Variants in RAD51B observed in about 807,000 individuals in gnomAD.
RAD51B encodes the protein RAD51 paralog B.
Under a neutral mutation model 42.2 loss-of-function variants are expected in RAD51B, and 38 were observed. The observed-to-expected ratio is 0.90, with a 90% CI of 0.70 to 1.18. The LOEUF (loss-of-function observed/expected upper bound fraction) is 1.18. Among genes scored for constraint, RAD51B ranks in the 50% most tolerant of loss-of-function variants. The pLI is 0.00. For missense variants in RAD51B, 373 were observed against 400.7 expected (o/e 0.93, Z 0.59); for synonymous variants, 154 against 145.2 (o/e 1.06, Z -0.43).
At chr14:68,420,003 T>C (rs188105548) in intron 9 of RAD51B, among the ~76,000 whole-genome samples, 22 of 152,340 alleles carry the variant, frequency 1.4e-4, no homozygotes, top group Admixed American at 1.2e-3. Context: ...CCTATGAGTT[T>C]GCAGGGATCA....
intron 4 of RAD51B, among the ~76,000 whole-genome samples, chr14:67,841,008 C>T (rs1024479315): frequency 1.3e-5 from 2 of 152,110 alleles, no homozygotes; most frequent in African/African-American, 4.8e-5. Flanking sequence ...CCATGTTGGC[C>T]AGGCTGGTCT....
intron 7 of RAD51B, among the ~76,000 whole-genome samples, chr14:68,085,921 T>C (rs751858773): frequency 6.6e-6 from 1 of 152,164 alleles, no homozygotes; most frequent in Non-Finnish European, 1.5e-5. Context: ...TGGCAGCGTC[T>C]AGGGGTGAAT....
At chr14:68,234,553 C>T (rs1170130673) in intron 7 of RAD51B, among the ~76,000 whole-genome samples, 1 of 152,116 alleles carries the variant, frequency 6.6e-6, no homozygotes, top group African/African-American at 2.4e-5. Flanking sequence ...GGCAGCAAAC[C>T]TGTAGAGCAT....
At chr14:68,457,723 C>G (rs142375677) in intron 9 of RAD51B, among the ~76,000 whole-genome samples, 1 of 151,466 alleles carries the variant, frequency 6.6e-6, no homozygotes, top group African/African-American at 2.4e-5. Flanking sequence ...CTCAGCCTCC[C>G]GAGTAGCTGG....
At chr14:68,403,852 T>C (rs2084187689) in intron 8 of RAD51B, among the ~76,000 whole-genome samples, 2 of 152,218 alleles carry the variant, frequency 1.3e-5, no homozygotes, top group African/African-American at 4.8e-5. Context: ...TCATCTTCAG[T>C]GTTTGATCAT....
At chr14:68,082,708 AT>A (rs926687124) in intron 7 of RAD51B, among the ~76,000 whole-genome samples, 27 of 151,392 alleles carry the variant, frequency 1.8e-4, no homozygotes, top group African/African-American at 3.9e-4. Context: ...CTGTATTATA[AT>A]TTTTTTTTAA....
chr14:68,229,115 G>A (rs2080097453), intron 7 of RAD51B, among the ~76,000 whole-genome samples: 1 of 152,214 alleles, frequency 6.6e-6, no homozygotes. Flanking sequence ...GCACCTTTGA[G>A]ACCTAGCTTC....
intron 3 of RAD51B, among the ~76,000 whole-genome samples, chr14:67,830,497 G>A (rs1377551459): frequency 6.6e-6 from 1 of 151,890 alleles, no homozygotes; most frequent in Non-Finnish European, 1.5e-5. Flanking sequence ...TGCCTTCTGG[G>A]TTCCAGCAAT....
chr14:68,124,467 A>G (rs908893849), intron 7 of RAD51B, among the ~76,000 whole-genome samples: 3 of 152,204 alleles, frequency 2.0e-5, no homozygotes, highest in Admixed American at 2.0e-4. Flanking sequence ...ATTTCATGTG[A>G]TGGCTCTATT....
chr14:68,640,645 A>G (rs945045209), intron 10 of RAD51B, among the ~76,000 whole-genome samples: 18 of 152,222 alleles, frequency 1.2e-4, no homozygotes, highest in Admixed American at 9.8e-4. Flanking sequence ...TTTTTAGAAG[A>G]GGGAGACTCA....
chr14:67,917,213 C>T lies in RAD51B; in HGVS notation c.756+30009C>T, dbSNP rs544394589. ...GTTCTTGCGTTGCTATAAAGGAATACGTGAGACTGGGTAATTTATAAAGAA... is the reference window on the plus strand; with the variant it reads ...GTTCTTGCGTTGCTATAAAGGAATATGTGAGACTGGGTAATTTATAAAGAA... On this transcript the variant is annotated intron_variant, in intron 7 of 10. Transcript: ENST00000471583. Among the ~76,000 whole-genome samples the T allele has an allele frequency of 7.5e-4, 114 of 152,270 alleles. 1 individual carries two copies. Among genetic ancestry groups the T allele is most frequent in the African/African-American group, 2.5e-3 (103 of 41,548 alleles).
chr14:68,399,145 A>G (rs2084011496), intron 8 of RAD51B, among the ~76,000 whole-genome samples: 1 of 152,166 alleles, frequency 6.6e-6, no homozygotes, highest in African/African-American at 2.4e-5. Flanking sequence ...GGAAAGGCCA[A>G]CCTACATTTT....
At chr14:67,841,668 A>G (rs548290393) in intron 4 of RAD51B, among the ~76,000 whole-genome samples, 6 of 143,020 alleles carry the variant, frequency 4.2e-5, no homozygotes, top group Admixed American at 3.4e-4. Flanking sequence ...CATTTATTGA[A>G]TAGGAAGTCC....
At chr14:68,156,517 A>G (rs1056925000) in intron 7 of RAD51B, among the ~76,000 whole-genome samples, 1 of 139,056 alleles carries the variant, frequency 7.2e-6, no homozygotes, top group Non-Finnish European at 1.5e-5. Context: ...AACTGACAGT[A>G]GCATATCTTG....
intron 7 of RAD51B, among the ~76,000 whole-genome samples, chr14:67,902,918 C>G: frequency 6.6e-6 from 1 of 151,122 alleles, no homozygotes; most frequent in East Asian, 1.9e-4. Context: ...GGTGTGATCT[C>G]GGCTCACTGT....
chr14:68,594,705 A>G lies in RAD51B; in HGVS notation c.*102A>G, dbSNP rs1353767259. 23 of 1,270,572 alleles carry G rather than the reference A, an allele frequency of 1.8e-5. No homozygotes were observed. In the Admixed American group the frequency reaches 7.2e-4, roughly 40 times the overall value. The allele number at this position is 1,270,572 out of a possible 1,614,324, so 78.7% of individuals were successfully genotyped here. A position where few individuals can be genotyped will look rare whatever the true frequency, so the allele number is the denominator to read the frequency against. On this transcript the variant is annotated 3_prime_UTR_variant, in exon 11 of 11. Transcript: ENST00000487270. ...CAGCCTCCCAAAGCGCTAGGATTAC[A>G]AGTATGAGACTTTGCCATTCCAATG...
At chr14:68,023,243 A>G (rs1181652600) in intron 7 of RAD51B, among the ~76,000 whole-genome samples, 1 of 152,220 alleles carries the variant, frequency 6.6e-6, no homozygotes, top group Non-Finnish European at 1.5e-5. Flanking sequence ...ACTACTTTCT[A>G]CAATGGCTGA....
chr14:68,215,343 G>T (rs2079792218), intron 7 of RAD51B, among the ~76,000 whole-genome samples: 2 of 152,072 alleles, frequency 1.3e-5, no homozygotes, highest in South Asian at 4.1e-4. Flanking sequence ...AAATAATCCT[G>T]TTTGGAAGGT....
At chr14:68,505,778 C>T (rs924523684) in intron 10 of RAD51B, among the ~76,000 whole-genome samples, 3 of 152,052 alleles carry the variant, frequency 2.0e-5, no homozygotes, top group African/African-American at 7.2e-5. Context: ...GTCTCGAACT[C>T]CCAACCTCAG....
Sources: allele counts gnomAD v4.1 joint callset (sites outside exome capture counted in the v4.1 genomes callset), GRCh38; gene constraint gnomAD v4.1.1; transcripts MANE v1.5; gene names NCBI Gene and HGNC (gene_info 2026-07-23, HGNC 2026-07-21).